The following THSD7B variants were observed in gnomAD, a reference collection of about 807,000 sequenced individuals.
THSD7B encodes thrombospondin type 1 domain containing 7B, also known as thrombospondin type-1 domain-containing protein 7B.
Under a neutral mutation model 213.6 loss-of-function variants are expected in THSD7B, and 138 were observed. The ratio of observed to expected loss-of-function variants is 0.65; its 90% confidence interval spans 0.56 to 0.74. The LOEUF (loss-of-function observed/expected upper bound fraction) is 0.74. Among genes scored for constraint, THSD7B ranks in the 30% least tolerant of loss-of-function variants. THSD7B has a pLI of 0.00. For synonymous variants in THSD7B, 742 were observed against 687.0 expected, an observed-to-expected ratio of 1.08 and a Z score of -1.25; for missense variants, 1,931 against 1,991.5, an observed-to-expected ratio of 0.97 and a Z score of 0.58.
intron 1 of THSD7B, among the ~76,000 whole-genome samples, chr2:136,830,240 A>G (rs376514860): frequency 1.2e-4 from 18 of 152,344 alleles, no homozygotes; most frequent in African/African-American, 4.3e-4. Context: ...TCCGTAATCA[A>G]GGGTGCAGAT....
At chr2:137,167,351 C>A (rs891360521) in intron 6 of THSD7B, among the ~76,000 whole-genome samples, 1 of 151,918 alleles carries the variant, frequency 6.6e-6, no homozygotes, top group African/African-American at 2.4e-5. Context: ...CAGGCAGGTG[C>A]CACCCTGCCT....
intron 9 of THSD7B, among the ~76,000 whole-genome samples, chr2:137,241,069 TG>T (rs572358971): frequency 0.012 from 1,893 of 152,330 alleles, 24 homozygotes; most frequent in Non-Finnish European, 0.02. Flanking sequence ...CATGAAGCTT[TG>T]GGTCCATTAC....
At chr2:137,238,534 C>CTTTTTTTTTTTTTTTT (rs869146863) in intron 9 of THSD7B, among the ~76,000 whole-genome samples, 2 of 51,846 alleles carry the variant, frequency 3.9e-5, no homozygotes, top group Admixed American at 3.5e-4. Context: ...ACTCATCTTT[C>CTTTTTTTTTTTTTTTT]TTTTTTTTTT....
intron 17 of THSD7B, among the ~76,000 whole-genome samples, chr2:137,587,290 T>C (rs1257952461): frequency 6.6e-6 from 1 of 152,204 alleles, no homozygotes; most frequent in African/African-American, 2.4e-5. Flanking sequence ...AACTTCCTCC[T>C]TTAGCTCGGA....
intron 3 of THSD7B, among the ~76,000 whole-genome samples, chr2:137,079,488 T>A (rs1379601503): frequency 6.6e-6 from 1 of 152,240 alleles, no homozygotes; most frequent in East Asian, 1.9e-4. Flanking sequence ...TCTCTTCTAA[T>A]GCTTTTTGTC....
intron 2 of THSD7B, among the ~76,000 whole-genome samples, chr2:136,920,844 T>G (rs1684425050): frequency 3.3e-5 from 5 of 152,112 alleles, no homozygotes; most frequent in Admixed American, 2.6e-4. Context: ...GCAGGGGGCT[T>G]ATGCGTCAGT....
rs530501745 is a variant in THSD7B at position 137,520,844 on chromosome 2, C to T, written c.3139-42377C>T. On this transcript the variant is annotated intron_variant, in intron 15 of 27. Transcript: ENST00000409968. The stretch of plus-strand genomic sequence containing the variant: ...AGCATGATGAAATTTCTACAAATTA[C>T]ATTTCATAATTTAATATGCTGGATG... 1.4e-3 allele frequency among the ~76,000 whole-genome samples: 208 copies of T among 152,312 alleles called. 1 individual carries two copies. The highest frequency in any genetic ancestry group is 2.4e-3 in the Non-Finnish European group (161 of 68,022).
intron 4 of THSD7B, among the ~76,000 whole-genome samples, chr2:137,111,862 TC>T (rs1688351946): frequency 6.6e-6 from 1 of 152,186 alleles, no homozygotes; most frequent in Non-Finnish European, 1.5e-5. Context: ...CGAAGTTTCA[TC>T]TCAGAGGAGG....
At chr2:137,285,270 C>G (rs1179416278) in intron 12 of THSD7B, among the ~76,000 whole-genome samples, 1 of 152,054 alleles carries the variant, frequency 6.6e-6, no homozygotes, top group Non-Finnish European at 1.5e-5. Flanking sequence ...TTCCTCCATC[C>G]CTGTATTTTG....
intron 2 of THSD7B, among the ~76,000 whole-genome samples, chr2:137,054,423 T>A (rs1573791824): frequency 6.6e-6 from 1 of 152,300 alleles, no homozygotes; most frequent in East Asian, 1.9e-4. Flanking sequence ...TGAGGAAGAA[T>A]TGAGATGATT....
intron 9 of THSD7B, among the ~76,000 whole-genome samples, chr2:137,234,416 C>T (rs1436609394): frequency 1.3e-5 from 2 of 152,138 alleles, no homozygotes; most frequent in Admixed American, 6.5e-5. Flanking sequence ...ACCCAAGCTC[C>T]GTTATGGGAA....
At chr2:136,936,474 G>A (rs1684732055) in intron 2 of THSD7B, among the ~76,000 whole-genome samples, 2 of 152,118 alleles carry the variant, frequency 1.3e-5, no homozygotes, top group Non-Finnish European at 2.9e-5. Context: ...TGTATATGAT[G>A]GAATACTACT....
At chr2:137,382,867 G>T (rs1464759941) in intron 12 of THSD7B, among the ~76,000 whole-genome samples, 1 of 152,158 alleles carries the variant, frequency 6.6e-6, no homozygotes, top group African/African-American at 2.4e-5. Context: ...TTCCCAATGG[G>T]ACATGGTATA....
intron 12 of THSD7B, among the ~76,000 whole-genome samples, chr2:137,340,975 C>CTTTTTT (rs1048478627): frequency 8.8e-6 from 1 of 114,026 alleles, no homozygotes; most frequent in African/African-American, 3.1e-5. Context: ...CTCTAATTCT[C>CTTTTTT]TTTTTGTTTT....
intron 2 of THSD7B, among the ~76,000 whole-genome samples, chr2:136,895,326 T>G (rs907766992): frequency 6.6e-6 from 1 of 152,080 alleles, no homozygotes; most frequent in Non-Finnish European, 1.5e-5. Context: ...TGACTTGAAT[T>G]TTCTTTATGA....
At chr2:136,870,703 G>A (rs891608948) in intron 1 of THSD7B, among the ~76,000 whole-genome samples, 4 of 152,186 alleles carry the variant, frequency 2.6e-5, no homozygotes, top group African/African-American at 9.7e-5. Context: ...GTGCATGCTT[G>A]AGGAACAAGA....
chr2:137,363,826 T>C (rs565040628), intron 12 of THSD7B, among the ~76,000 whole-genome samples: 205 of 152,318 alleles, frequency 1.3e-3, no homozygotes, highest in African/African-American at 4.8e-3. Flanking sequence ...AAGGAGCTGG[T>C]ACCATTCTTT....
chr2:136,870,719 G>T (rs115361678), intron 1 of THSD7B, among the ~76,000 whole-genome samples: 1,902 of 152,266 alleles, frequency 0.012, 42 homozygotes, highest in African/African-American at 0.044. Flanking sequence ...CAAGAAAGAG[G>T]CCAGTGTGTC....
chr2:137,171,088 C>A (rs1364589671), intron 7 of THSD7B, 150 bp downstream of exon 7: 3 of 907,340 alleles, frequency 3.3e-6, no homozygotes, highest in Non-Finnish European at 5.0e-6. Context: ...TGACACATTG[C>A]TGCAAAGTAA....
Sources: allele counts gnomAD v4.1 joint callset (sites outside exome capture counted in the v4.1 genomes callset), GRCh38; gene constraint gnomAD v4.1.1; transcripts MANE v1.5; gene names NCBI Gene and HGNC (gene_info 2026-07-23, HGNC 2026-07-21).